Variants in FAM110B observed in about 807,000 individuals in gnomAD.
FAM110B encodes the protein protein FAM110B.
Under a neutral mutation model 20.4 loss-of-function variants are expected in FAM110B, and 6 were observed. That is an observed-to-expected ratio of 0.29 (90% CI 0.16 to 0.58). The LOEUF is 0.58. Ranked by LOEUF, FAM110B falls within the 20% of genes least tolerant of loss-of-function variation. The pLI, the probability that FAM110B is intolerant of heterozygous loss-of-function variation, is 0.90. For missense variants in FAM110B, 434 were observed against 498.2 expected (o/e 0.87, Z 1.23); for synonymous variants, 226 against 214.1 (o/e 1.06, Z -0.49).
intron 3 of FAM110B, among the ~76,000 whole-genome samples, chr8:58,105,219 G>A (rs1005811917): frequency 2.0e-5 from 3 of 152,060 alleles, no homozygotes; most frequent in Non-Finnish European, 2.9e-5. Flanking sequence ...CTGGATACAC[G>A]CAGGTTTCAT....
At chr8:58,074,660 C>T (rs1805988127) in intron 2 of FAM110B, among the ~76,000 whole-genome samples, 1 of 152,188 alleles carries the variant, frequency 6.6e-6, no homozygotes, top group Admixed American at 6.5e-5. Context: ...TCAGCCAGTA[C>T]CTGTTGAATG....
intron 1 of FAM110B, among the ~76,000 whole-genome samples, chr8:58,010,883 G>A (rs1483765796): frequency 6.6e-6 from 1 of 152,184 alleles, no homozygotes; most frequent in Non-Finnish European, 1.5e-5. Flanking sequence ...CAGCTACGGT[G>A]GAAAGCTTGG....
chr8:58,069,934 GT>G (rs1408848164), intron 2 of FAM110B, among the ~76,000 whole-genome samples: 1 of 152,184 alleles, frequency 6.6e-6, no homozygotes, highest in Non-Finnish European at 1.5e-5. Flanking sequence ...ATCACTTATA[GT>G]TTATAAGGTG....
In FAM110B at chr8:58,074,267, T is replaced by C. The variant is rs116787652; in HGVS notation, c.-413-1268T>C. On this transcript the variant is annotated intron_variant, in intron 2 of 3. Transcript: ENST00000519262. ...GCTACCCCCCTGTAAGTAGCTATTC[T>C]CCAACGCTCTGGCCTTCATCAGCTT... 2.4e-3 allele frequency among the ~76,000 whole-genome samples: 358 copies of C among 152,272 alleles called. 1 individual carries two copies. The highest frequency in any genetic ancestry group is 8.0e-3 in the African/African-American group (331 of 41,538).
At chr8:58,121,817 T>C (rs1807367951) in intron 3 of FAM110B, among the ~76,000 whole-genome samples, 1 of 152,196 alleles carries the variant, frequency 6.6e-6, no homozygotes, top group South Asian at 2.1e-4. Flanking sequence ...CTTTCCTGTA[T>C]CTCTATTCCA....
rs547214573 is a variant in FAM110B at position 58,137,471 on chromosome 8, G to A, written c.-324-8436G>A. ...AGCTACTCAGAAGGCTGAGACAGGA[G>A]AATCATTTGAAATAGGAGGCGGAGG... is the stretch of plus-strand genomic sequence containing the variant. On this transcript the variant is annotated intron_variant, in intron 3 of 3. Transcript: ENST00000519262. Among the ~76,000 whole-genome samples, 4 of 152,226 alleles carry A rather than the reference G, an allele frequency of 2.6e-5. No homozygotes were observed. The South Asian group carries it at 6.2e-4, about 24-fold the overall frequency.
chr8:58,066,180 C>T (rs1442710688), intron 2 of FAM110B, among the ~76,000 whole-genome samples: 1 of 152,150 alleles, frequency 6.6e-6, no homozygotes, highest in African/African-American at 2.4e-5. Context: ...TGAGAAGACA[C>T]TCCAAGATGC....
intron 1 of FAM110B, among the ~76,000 whole-genome samples, chr8:58,020,759 G>A (rs1303639669): frequency 1.3e-5 from 2 of 152,216 alleles, no homozygotes; most frequent in African/African-American, 4.8e-5. Flanking sequence ...TAGATCAGAA[G>A]GCTTATTAGG....
At chr8:58,098,315 G>C (rs192123760) in intron 3 of FAM110B, among the ~76,000 whole-genome samples, 2 of 152,188 alleles carry the variant, frequency 1.3e-5, no homozygotes, top group Non-Finnish European at 2.9e-5. Context: ...CACCCAGTTC[G>C]AACTTCCTGG....
chr8:58,047,936 C>A (rs1478641922), intron 2 of FAM110B, among the ~76,000 whole-genome samples: 1 of 152,052 alleles, frequency 6.6e-6, no homozygotes, highest in Admixed American at 6.5e-5. Flanking sequence ...ACTTTAGCGT[C>A]TTCATCTTAA....
chr8:58,110,605 G>A (rs866861852), intron 3 of FAM110B, among the ~76,000 whole-genome samples: 1 of 152,094 alleles, frequency 6.6e-6, no homozygotes, highest in African/African-American at 2.4e-5. Flanking sequence ...TTTATTGACC[G>A]TAAATCAGAG....
intron 3 of FAM110B, among the ~76,000 whole-genome samples, chr8:58,076,614 G>T (rs1357456000): frequency 2.0e-5 from 3 of 152,190 alleles, no homozygotes; most frequent in Non-Finnish European, 4.4e-5. Context: ...TGGAAGAATG[G>T]TGGGGTCAAA....
Position 58,147,262 on chromosome 8 carries a change from C to G in FAM110B, c.1032C>G (p.Ala344=). Residue 344 remains alanine, a synonymous_variant, in exon 4 of 4, where the codon GCC becomes GCG. Coordinates refer to ENST00000519262, the MANE Select transcript of FAM110B (RefSeq NM_001377989.1). Reference sequence around the variant, plus strand: ...ACCGCGTGCCGTATGGCATTTCTGCCATCGAAAGAAATGCTAGAATCATCA... The same window carrying G: ...ACCGCGTGCCGTATGGCATTTCTGCGATCGAAAGAAATGCTAGAATCATCA... ...ANDRVPYGIS[A]IERNARIIKW... The G allele has an allele frequency of 6.2e-7, 1 of 1,614,124 alleles. No individual in the cohort carries two copies. The highest frequency in any genetic ancestry group is 1.1e-5 in the South Asian group (1 of 91,072).
chr8:58,100,876 A>G (rs1806762146), intron 3 of FAM110B: 1 of 152,274 alleles, frequency 6.6e-6, no homozygotes, highest in Non-Finnish European at 1.5e-5. Flanking sequence ...TACCATTGCA[A>G]TAAAACTGGT....
intron 3 of FAM110B, among the ~76,000 whole-genome samples, chr8:58,108,806 A>G (rs1806982776): frequency 6.6e-6 from 1 of 152,172 alleles, no homozygotes; most frequent in Non-Finnish European, 1.5e-5. Flanking sequence ...CATGGTGAAA[A>G]TGTTGAGAAT....
At chr8:58,138,109 C>T (rs1478820940) in intron 3 of FAM110B, among the ~76,000 whole-genome samples, 1 of 152,260 alleles carries the variant, frequency 6.6e-6, no homozygotes, top group African/African-American at 2.4e-5. Context: ...ACAGAGCATT[C>T]AGCGGAAGTG....
At chr8:58,091,146 G>A (rs890365368) in intron 3 of FAM110B, among the ~76,000 whole-genome samples, 10 of 152,108 alleles carry the variant, frequency 6.6e-5, no homozygotes, top group African/African-American at 1.9e-4. Flanking sequence ...AATGCCTCTC[G>A]AAAAGGTGAA....
chr8:58,054,078 A>G (rs531732079), intron 2 of FAM110B, among the ~76,000 whole-genome samples: 71 of 152,328 alleles, frequency 4.7e-4, no homozygotes, highest in African/African-American at 1.6e-3. Flanking sequence ...CTTGGTTTGT[A>G]TAGGTGGCTG....
chr8:58,034,712 G>A (rs1484839655), intron 2 of FAM110B, among the ~76,000 whole-genome samples: 2 of 152,224 alleles, frequency 1.3e-5, no homozygotes, highest in Non-Finnish European at 2.9e-5. Context: ...AGTAGCTTAT[G>A]TACTGTGATC....
Sources: allele counts gnomAD v4.1 joint callset (sites outside exome capture counted in the v4.1 genomes callset), GRCh38; gene constraint gnomAD v4.1.1; transcripts MANE v1.5; gene names NCBI Gene and HGNC (gene_info 2026-07-23, HGNC 2026-07-21).